Variants in FOXP2 observed in about 807,000 individuals in gnomAD.
FOXP2 encodes forkhead box P2.
Under a neutral mutation model 115.8 loss-of-function variants are expected in FOXP2, and 12 were observed. The observed-to-expected ratio is 0.10, with a 90% CI of 0.07 to 0.17. The LOEUF is 0.17. Among genes scored for constraint, FOXP2 ranks in the 10% least tolerant of loss-of-function variants. The pLI, the probability that FOXP2 is intolerant of heterozygous loss-of-function variation, is 1.00. For synonymous variants in FOXP2, 328 were observed against 297.7 expected (o/e 1.10, Z -1.05); for missense variants, 629 against 843.5 (o/e 0.75, Z 3.15).
chr7:114,448,491 C>G (rs973353681), intron 2 of FOXP2, among the ~76,000 whole-genome samples: 1 of 152,042 alleles, frequency 6.6e-6, no homozygotes, highest in African/African-American at 2.4e-5. Context: ...TGTAAGAAAT[C>G]TAATTTAAAC....
In FOXP2 at chr7:114,236,986, A is replaced by T. The variant is rs186967415; in HGVS notation, c.-101-51033A>T. ...AAGACCCTGTCTCAAAAAGAAAATGATAAATAAAAATACTAAAGTCAAAGT... is the reference window on the plus strand; with the variant it reads ...AAGACCCTGTCTCAAAAAGAAAATGTTAAATAAAAATACTAAAGTCAAAGT... On this transcript the variant is annotated intron_variant, in intron 1 of 17. Transcript: ENST00000634411. 8.5e-5 allele frequency among the ~76,000 whole-genome samples: 13 copies of T among 152,308 alleles called. No homozygotes were observed. The South Asian group carries it at 1.5e-3, about 17-fold the overall frequency.
chr7:114,568,819 A>G (rs1801149278), intron 3 of FOXP2, among the ~76,000 whole-genome samples: 1 of 151,992 alleles, frequency 6.6e-6, no homozygotes, highest in Middle Eastern at 3.4e-3. Flanking sequence ...GTACTTGTAC[A>G]TTATCTCAAT....
chr7:114,422,053 A>G (rs1471992590), intron 1 of FOXP2, among the ~76,000 whole-genome samples: 1 of 151,788 alleles, frequency 6.6e-6, no homozygotes, highest in Non-Finnish European at 1.5e-5. Context: ...GCATAGAAAT[A>G]TTTAATATTT....
chr7:114,114,737 A>G (rs890396213), intron 1 of FOXP2, among the ~76,000 whole-genome samples: 16 of 152,148 alleles, frequency 1.1e-4, no homozygotes, highest in African/African-American at 3.9e-4. Flanking sequence ...ATAGTTATTG[A>G]TATTCACCTC....
chr7:114,284,175 A>G (rs1252556457), intron 1 of FOXP2, among the ~76,000 whole-genome samples: 1 of 152,098 alleles, frequency 6.6e-6, no homozygotes, highest in African/African-American at 2.4e-5. Context: ...GTTTCTATAC[A>G]TGAATGGCAC....
chr7:114,600,955 T>G (rs1187951391), intron 3 of FOXP2, among the ~76,000 whole-genome samples: 2 of 149,454 alleles, frequency 1.3e-5, no homozygotes, highest in East Asian at 3.9e-4. Context: ...GTCTTGTCAG[T>G]ATCTTTTTTT....
intron 1 of FOXP2, among the ~76,000 whole-genome samples, chr7:114,182,546 G>A (rs1793484605): frequency 6.6e-6 from 1 of 151,158 alleles, no homozygotes; most frequent in Non-Finnish European, 1.5e-5. Flanking sequence ...CATTTGGAAG[G>A]ACATATTCTT....
At chr7:114,584,375 G>T (rs1343108493) in intron 3 of FOXP2, among the ~76,000 whole-genome samples, 1 of 152,034 alleles carries the variant, frequency 6.6e-6, no homozygotes, top group East Asian at 1.9e-4. Flanking sequence ...CTGCAAACAA[G>T]CACACAAAAA....
At chr7:114,159,541 T>A (rs191331861), upstream of FOXP2, among the ~76,000 whole-genome samples, 1 of 151,982 alleles carries the variant, frequency 6.6e-6, no homozygotes, top group Admixed American at 6.6e-5. Flanking sequence ...AAATAAATGA[T>A]AAATGAATAA....
At chr7:114,334,758 T>G (rs984026025) in intron 2 of FOXP2, among the ~76,000 whole-genome samples, 4 of 151,304 alleles carry the variant, frequency 2.6e-5, no homozygotes, top group African/African-American at 7.3e-5. Flanking sequence ...TTTTGTCAAT[T>G]AAGATAATGT....
At chr7:114,266,298 A>G (rs1176522491) in intron 1 of FOXP2, among the ~76,000 whole-genome samples, 1 of 152,112 alleles carries the variant, frequency 6.6e-6, no homozygotes, top group Non-Finnish European at 1.5e-5. Context: ...CCTGGTGCCA[A>G]TGTTCTCTGT....
At chr7:114,466,830 TG>T (rs1261637353) in intron 2 of FOXP2, among the ~76,000 whole-genome samples, 3 of 152,244 alleles carry the variant, frequency 2.0e-5, no homozygotes, top group African/African-American at 7.2e-5. Context: ...GTTTTCTTTT[TG>T]CTTTTCCCAA....
chr7:114,647,022 C>T (rs1443754274), intron 8 of FOXP2, among the ~76,000 whole-genome samples: 1 of 151,776 alleles, frequency 6.6e-6, no homozygotes, highest in African/African-American at 2.4e-5. Context: ...TATCCATTCT[C>T]CCTAAATTGT....
intron 2 of FOXP2, among the ~76,000 whole-genome samples, chr7:114,294,766 G>A (rs757179861): frequency 1.3e-5 from 2 of 151,886 alleles, no homozygotes; most frequent in Non-Finnish European, 2.9e-5. Flanking sequence ...ACTTGAACCC[G>A]GGAGGCGGAG....
intron 3 of FOXP2, among the ~76,000 whole-genome samples, chr7:114,584,684 C>G (rs1389374444): frequency 6.6e-6 from 1 of 152,174 alleles, no homozygotes; most frequent in East Asian, 1.9e-4. Context: ...TCACTTCTTG[C>G]CCACCACCAT....
intron 2 of FOXP2, among the ~76,000 whole-genome samples, chr7:114,444,986 G>C (rs1348332561): frequency 6.6e-6 from 1 of 151,678 alleles, no homozygotes; most frequent in Non-Finnish European, 1.5e-5. Context: ...AGAAAATAGT[G>C]TGTTCCTCTG....
chr7:114,628,779 A>G (rs1381801091), intron 4 of FOXP2, 102 bp downstream of exon 4: 4 of 1,407,550 alleles, frequency 2.8e-6, no homozygotes, highest in Admixed American at 3.4e-5. Flanking sequence ...CTCCATTTGA[A>G]AGGACAACCT....
At chr7:114,305,498 C>T (rs1796991548) in intron 2 of FOXP2, among the ~76,000 whole-genome samples, 1 of 152,098 alleles carries the variant, frequency 6.6e-6, no homozygotes, top group South Asian at 2.1e-4. Context: ...ATAAATTCTG[C>T]TTTTGAGAGC....
At chr7:114,613,505 C>G (rs1301676912) in intron 3 of FOXP2, among the ~76,000 whole-genome samples, 6 of 151,938 alleles carry the variant, frequency 3.9e-5, no homozygotes, top group African/African-American at 1.5e-4. Context: ...GAAACCCCGT[C>G]TCTACTAAAA....
Sources: allele counts gnomAD v4.1 joint callset (sites outside exome capture counted in the v4.1 genomes callset), GRCh38; gene constraint gnomAD v4.1.1; transcripts MANE v1.5; gene names NCBI Gene and HGNC (gene_info 2026-07-23, HGNC 2026-07-21).